USP38: variants seen among roughly 807,000 people sequenced by gnomAD.
USP38 encodes ubiquitin carboxyl-terminal hydrolase 38.
In USP38, 49 loss-of-function variants were observed where a neutral mutation model predicts 94.3. The ratio of observed to expected loss-of-function variants is 0.52; its 90% CI spans 0.41 to 0.66. The LOEUF is 0.66. USP38 is among the 30% of genes least tolerant of loss of function. USP38 has a pLI of 0.00. For synonymous variants in USP38, 468 were observed against 463.6 expected (o/e 1.01, Z -0.12); for missense variants, 1,128 against 1,229.4 (o/e 0.92, Z 1.23).
Position 143,220,536 on chromosome 4 carries a change from T to C in USP38, c.*80T>C, listed in dbSNP as rs1732298200. The C allele has an allele frequency of 7.5e-7, 1 of 1,337,614 alleles. No homozygotes were observed. Among genetic ancestry groups the C allele is most frequent in the Non-Finnish European group, 9.8e-7 (1 of 1,019,560 alleles). The allele number at this position is 1,337,614 out of a possible 1,614,324, so 82.9% of individuals were successfully genotyped here. On this transcript the variant is annotated 3_prime_UTR_variant, in exon 10 of 10. Transcript: ENST00000307017. ...AAAATGTCAGACTATAACAAATATC[T>C]ATCTTTTATTTTTCATTAGACCCTT...
In USP38 at chr4:143,195,744, G is replaced by A; in HGVS notation, c.847G>A (p.Ala283Thr). The A allele has an allele frequency of 6.2e-7, 1 of 1,607,994 alleles. No individual in the cohort carries two copies. The highest frequency in any genetic ancestry group is 8.5e-7 in the Non-Finnish European group (1 of 1,177,628). Residue 283 changes from alanine (A) to threonine (T), a missense_variant, in exon 3 of 10, where the codon GCT becomes ACT. Physicochemically the swap from Ala to Thr is moderately conservative, Grantham distance 58. Coordinates refer to ENST00000307017, the MANE Select transcript of USP38 (RefSeq NM_032557.6). ...RMIDWLSWPL[A>T]QHVDTWVIAL... ...GATTGACTGGCTATCCTGGCCATTG[G>A]CTCAGCATGTGGATACATGGGTAAT...
chr4:143,185,999 C>A lies in USP38; in HGVS notation c.549C>A (p.Thr183=). 6.2e-7 allele frequency: 1 copy of A among 1,614,160 alleles called. No homozygotes were observed. Among genetic ancestry groups the A allele is most frequent in the South Asian group, 1.1e-5 (1 of 91,074 alleles). ...RTIGHFQCVS[T]QERELREYVS... ...TAGGCCATTTCCAGTGCGTGTCCACCCAGGAAAGAGAGCTGCGGGAATATG... is the reference window on the plus strand; with the variant it reads ...TAGGCCATTTCCAGTGCGTGTCCACACAGGAAAGAGAGCTGCGGGAATATG... Residue 183 remains threonine, a synonymous_variant, in exon 1 of 10, where the codon ACC becomes ACA. Transcript: ENST00000307017.
At position 143,221,073 on chromosome 4, in the gene USP38, T is replaced by G. The variant is rs1267396968; in HGVS notation, c.*617T>G. Reference sequence around the variant, plus strand: ...CTTTATACATATGTGCTGAATTGATTTTAAGAAAGTTGCATGATCCTGTAG... The same window carrying G: ...CTTTATACATATGTGCTGAATTGATGTTAAGAAAGTTGCATGATCCTGTAG... On this transcript the variant is annotated 3_prime_UTR_variant, in exon 10 of 10. Coordinates refer to ENST00000307017, the MANE Select transcript of USP38 (RefSeq NM_032557.6). The G allele has an allele frequency of 6.6e-6, 1 of 152,582 alleles. No homozygotes were observed. The highest frequency in any genetic ancestry group is 2.4e-5 in the African/African-American group (1 of 41,448). The allele number at this position is 152,582 out of a possible 1,614,324, so 9.5% of individuals were successfully genotyped here.
chr4:143,206,694 A>T (rs565608800), intron 6 of USP38, among the ~76,000 whole-genome samples: 1 of 152,346 alleles, frequency 6.6e-6, no homozygotes, highest in South Asian at 2.1e-4. Context: ...AGTCTCAAAA[A>T]AAGAAAAGTT....
chr4:143,206,341 C>T (rs1731868357), intron 6 of USP38, 115 bp downstream of exon 6: 1 of 853,428 alleles, frequency 1.2e-6, no homozygotes, highest in African/African-American at 1.7e-5. Context: ...TAAATGTTAA[C>T]TTTGATTGCC....
intron 2 of USP38, among the ~76,000 whole-genome samples, chr4:143,191,733 C>G (rs777488364): frequency 9.2e-5 from 14 of 152,182 alleles, no homozygotes; most frequent in Non-Finnish European, 1.9e-4. Flanking sequence ...TTACTGCTCT[C>G]AAGCTCACAG....
intron 2 of USP38, among the ~76,000 whole-genome samples, chr4:143,193,465 A>T (rs1170456135): frequency 6.6e-6 from 1 of 152,214 alleles, no homozygotes; most frequent in East Asian, 1.9e-4. Context: ...GCTACTCTGT[A>T]TAAGTAGAAT....
chr4:143,186,973 A>C (rs1294830105), intron 1 of USP38, among the ~76,000 whole-genome samples: 2 of 151,964 alleles, frequency 1.3e-5, no homozygotes, highest in African/African-American at 4.9e-5. Flanking sequence ...TCCTCTTCTT[A>C]TCTTAAGAAC....
chr4:143,197,884 T>G lies in USP38; in HGVS notation c.1010T>G (p.Met337Arg). The change falls in exon 4 of 10, where the codon ATG (methionine) becomes AGG (arginine). Residue 337 changes from methionine (M) to arginine (R), a missense_variant. By Grantham distance (91) the Met-to-Arg change is moderately conservative. Coordinates refer to ENST00000307017, the MANE Select transcript of USP38 (RefSeq NM_032557.6). ...RPGALAVLSHMLLSFQHSPEA... is the reference protein window; with the variant it reads ...RPGALAVLSHRLLSFQHSPEA... ...GGTGCTCTTGCAGTTCTTTCTCACA[T>G]GCTGCTTAGCTTTCAGCATTCTCCA... 1 of 1,614,030 alleles carries G rather than the reference T, an allele frequency of 6.2e-7. No individual in the cohort carries two copies. Among genetic ancestry groups the G allele is most frequent in the Middle Eastern group, 1.7e-4 (1 of 6,060 alleles).
At chr4:143,200,606 A>G (rs552909320) in intron 4 of USP38, among the ~76,000 whole-genome samples, 15 of 152,138 alleles carry the variant, frequency 9.9e-5, no homozygotes, top group Non-Finnish European at 2.2e-4. Context: ...TGTAGATTAT[A>G]TGTTTCTGTA....
At chr4:143,188,353 A>G (rs1469218055) in intron 2 of USP38, among the ~76,000 whole-genome samples, 1 of 152,002 alleles carries the variant, frequency 6.6e-6, no homozygotes, top group Non-Finnish European at 1.5e-5. Flanking sequence ...CTCAATGTGT[A>G]ATACACTCTT....
Position 143,185,887 on chromosome 4 carries a change from G to C in USP38, c.437G>C (p.Arg146Pro). Reference sequence around the variant, plus strand: ...AGGCCGGAGCCGCAGCTCTGTGCCCGACTGAGCGACCTTCTGACCGACTTT... The same window carrying C: ...AGGCCGGAGCCGCAGCTCTGTGCCCCACTGAGCGACCTTCTGACCGACTTT... ...CERPEPQLCA[R>P]LSDLLTDFVQ... is the part of the protein sequence containing the mutation. Residue 146 changes from arginine to proline, a missense_variant, in exon 1 of 10, where the codon CGA becomes CCA. Transcript: ENST00000307017. 6.2e-7 allele frequency: 1 copy of C among 1,614,190 alleles called. No individual in the cohort carries two copies. Among genetic ancestry groups the C allele is most frequent in the East Asian group, 2.2e-5 (1 of 44,864 alleles).
chr4:143,207,930 A>C (rs1258114313), intron 6 of USP38, among the ~76,000 whole-genome samples: 1 of 152,180 alleles, frequency 6.6e-6, no homozygotes, highest in Non-Finnish European at 1.5e-5. Context: ...ATTCTTCTTC[A>C]TAGTTTAAAA....
chr4:143,218,306 T>G (rs539751832), intron 9 of USP38, among the ~76,000 whole-genome samples: 1 of 152,274 alleles, frequency 6.6e-6, no homozygotes, highest in Non-Finnish European at 1.5e-5. Flanking sequence ...GCAATAACTT[T>G]CCTGTGACTA....
chr4:143,201,614 A>G (rs766884703), intron 4 of USP38, among the ~76,000 whole-genome samples: 5 of 152,172 alleles, frequency 3.3e-5, no homozygotes, highest in East Asian at 1.9e-4. Flanking sequence ...AGAATATCTT[A>G]GGGCAAGCCA....
intron 6 of USP38, among the ~76,000 whole-genome samples, chr4:143,207,320 A>G (rs1731895981): frequency 6.6e-6 from 1 of 152,194 alleles, no homozygotes; most frequent in South Asian, 2.1e-4. Flanking sequence ...CAGGTGGATC[A>G]TGAGGTCAGG....
At chr4:143,217,431 ATGTC>A (rs1292746675) in intron 9 of USP38, among the ~76,000 whole-genome samples, 4 of 152,140 alleles carry the variant, frequency 2.6e-5, no homozygotes, top group African/African-American at 7.2e-5. Context: ...ATAGATTACT[ATGTC>A]TGGACTATAA....
In USP38 at chr4:143,194,890, AT is replaced by A. The variant is rs1369480277; in HGVS notation, c.819-824del. ...AGGGAGTGTCTCTGTCCAATCCTAT[AT>A]TACTTTTTTTTTTTTTTTCACTAAA... On this transcript the variant is annotated intron_variant, in intron 2 of 9. Transcript: ENST00000307017. Among the ~76,000 whole-genome samples the A allele has an allele frequency of 8.4e-4, 117 of 139,466 alleles. 1 individual carries two copies. The highest frequency in any genetic ancestry group is 3.2e-3 in the African/African-American group (112 of 35,464). 91.5% of individuals were successfully genotyped at this position (139,466 alleles called of 152,430 possible).
Position 143,214,933 on chromosome 4 carries a change from T to G in USP38, c.2957T>G (p.Leu986Arg), listed in dbSNP as rs1445110017. 1 of 1,610,926 alleles carries G rather than the reference T, an allele frequency of 6.2e-7. No individual in the cohort carries two copies. Among genetic ancestry groups the G allele is most frequent in the Admixed American group, 1.7e-5 (1 of 59,430 alleles). The change falls in exon 9 of 10, where the codon CTA (leucine) becomes CGA (arginine). Residue 986 changes from leucine (L) to arginine (R), a missense_variant. Physicochemically the swap from Leu to Arg is moderately radical, Grantham distance 102. Transcript: ENST00000307017. ...GATGCTATAACAAAAGACAATAAAC[T>G]ATATTTACAGGTAAGTTGGAAATAC... ...LMDAITKDNK[L>R]YLQEQELNAR... is the part of the protein sequence containing the mutation.
Sources: allele counts gnomAD v4.1 joint callset (sites outside exome capture counted in the v4.1 genomes callset), GRCh38; gene constraint gnomAD v4.1.1; transcripts MANE v1.5; gene names NCBI Gene and HGNC (gene_info 2026-07-23, HGNC 2026-07-21).